Variants in L3HYPDH observed in about 807,000 individuals in gnomAD.
L3HYPDH encodes the protein trans-3-hydroxy-L-proline dehydratase.
L3HYPDH carries 32 observed loss-of-function variants against 26.5 expected under a neutral mutation model. The observed-to-expected ratio is 1.21, with a 90% CI of 0.91 to 1.62. The LOEUF is 1.62. Among genes scored for constraint, L3HYPDH ranks in the 40% most tolerant of loss-of-function variants. L3HYPDH has a pLI of 0.00. For missense variants in L3HYPDH, 554 were observed against 476.4 expected, an observed-to-expected ratio of 1.16 and a Z score of -1.52; for synonymous variants, 215 against 196.6, an observed-to-expected ratio of 1.09 and a Z score of -0.78.
chr14:59,480,956 G>T (rs1253100), intron 1 of L3HYPDH, among the ~76,000 whole-genome samples: 82,723 of 152,026 alleles, frequency 0.54, 24,966 homozygotes, highest in African/African-American at 0.81. Flanking sequence ...GGGTTCAGTC[G>T]GCCTGCCCTC....
chr14:59,498,248 GTAT>G, the L3HYPDH span, among the ~76,000 whole-genome samples: 1 of 152,156 alleles, frequency 6.6e-6, no homozygotes, highest in Non-Finnish European at 1.5e-5. Context: ...GGCACTTAAT[GTAT>G]TAGGCACAGT....
intron 1 of L3HYPDH, among the ~76,000 whole-genome samples, chr14:59,481,729 T>TA (rs35933202): frequency 0.083 from 12,594 of 152,272 alleles, 689 homozygotes; most frequent in African/African-American, 0.16. Context: ...CACTAAGCAC[T>TA]ATTCTAGAAA....
At chr14:59,505,021 C>G in the L3HYPDH span, 1 of 347,684 alleles carries the variant, frequency 2.9e-6, no homozygotes, top group Non-Finnish European at 5.2e-6. Flanking sequence ...ACCATGGAAG[C>G]AAAATGAAAT....
At chr14:59,484,645 T>C (rs1399068071), upstream of L3HYPDH, 19 of 1,563,904 alleles carry the variant, frequency 1.2e-5, no homozygotes, top group Admixed American at 3.6e-4. Context: ...CCGACTACTT[T>C]CCTACACGGC....
At chr14:59,501,223 T>C in the L3HYPDH span, 2 of 1,605,886 alleles carry the variant, frequency 1.2e-6, no homozygotes, top group Non-Finnish European at 1.7e-6. Context: ...ATTAGTGTTA[T>C]CTTTGGTTAC....
chr14:59,483,214 C>G (rs1890174441), intron 1 of L3HYPDH, among the ~76,000 whole-genome samples: 1 of 152,194 alleles, frequency 6.6e-6, no homozygotes, highest in African/African-American at 2.4e-5. Flanking sequence ...AGTAATTTGC[C>G]TAAGGTTGCA....
the L3HYPDH span, among the ~76,000 whole-genome samples, chr14:59,499,853 C>G: frequency 1.3e-5 from 2 of 152,150 alleles, no homozygotes; most frequent in African/African-American, 4.8e-5. Context: ...ATCTATAGTT[C>G]CCTCTAGCTC....
chr14:59,492,316 G>A, the L3HYPDH span, among the ~76,000 whole-genome samples: 21,197 of 152,184 alleles, frequency 0.14, 1,705 homozygotes, highest in South Asian at 0.26. Flanking sequence ...AGAAAAAAAT[G>A]CATAGAAATA....
chr14:59,478,142 A>G (rs1889766863), intron 2 of L3HYPDH, among the ~76,000 whole-genome samples: 1 of 152,200 alleles, frequency 6.6e-6, no homozygotes, highest in South Asian at 2.1e-4. Context: ...TGTACACTAT[A>G]TTTTACATTT....
the L3HYPDH span, among the ~76,000 whole-genome samples, chr14:59,498,371 T>A: frequency 1.3e-5 from 2 of 152,236 alleles, no homozygotes; most frequent in Non-Finnish European, 2.9e-5. Flanking sequence ...ATTTATTTTC[T>A]TCTGGGCTTT....
chr14:59,468,237 T>C (rs1470507105), downstream of L3HYPDH, among the ~76,000 whole-genome samples: 1 of 152,196 alleles, frequency 6.6e-6, no homozygotes, highest in African/African-American at 2.4e-5. Flanking sequence ...AAAAAAATCC[T>C]ATTGGCTTTC....
At chr14:59,484,881 G>A (rs1890407331), upstream of L3HYPDH, 1 of 1,294,268 alleles carries the variant, frequency 7.7e-7, no homozygotes, top group Non-Finnish European at 1.0e-6. Context: ...GGGAACACTT[G>A]CTTGAGGGTT....
intron 4 of L3HYPDH, chr14:59,474,529 A>G: frequency 2.9e-6 from 2 of 700,036 alleles, no homozygotes; most frequent in Non-Finnish European, 5.2e-6. Flanking sequence ...AACAGCTCCT[A>G]TAATATAAAG....
downstream of L3HYPDH, among the ~76,000 whole-genome samples, chr14:59,471,844 T>C (rs1195049910): frequency 6.6e-6 from 1 of 152,206 alleles, no homozygotes; most frequent in African/African-American, 2.4e-5. Flanking sequence ...GATGTCATTT[T>C]TTTTGAGATA....
upstream of L3HYPDH, chr14:59,484,921 T>G: frequency 6.9e-7 from 1 of 1,455,826 alleles, no homozygotes; most frequent in Non-Finnish European, 9.0e-7. Context: ...CGGGTGATAG[T>G]GCAGAAAAAA....
At chr14:59,492,489 C>T in the L3HYPDH span, among the ~76,000 whole-genome samples, 6 of 152,166 alleles carry the variant, frequency 3.9e-5, no homozygotes, top group African/African-American at 1.4e-4. Context: ...CTGCAAGTGA[C>T]ATGCCAATTA....
the L3HYPDH span, among the ~76,000 whole-genome samples, chr14:59,490,185 G>A: frequency 4.6e-5 from 7 of 152,132 alleles, no homozygotes; most frequent in African/African-American, 1.7e-4. Context: ...GCCTCCCAAA[G>A]TGCTGGGATT....
the L3HYPDH span, among the ~76,000 whole-genome samples, chr14:59,500,660 AAC>A: frequency 6.6e-6 from 1 of 152,200 alleles, no homozygotes; most frequent in Non-Finnish European, 1.5e-5. Flanking sequence ...TTGACCACAA[AAC>A]ACAGAAAATT....
chr14:59,495,109 C>G, the L3HYPDH span: 1 of 1,613,302 alleles, frequency 6.2e-7, no homozygotes, highest in Non-Finnish European at 8.5e-7. Context: ...AGTTGGTGTT[C>G]TTTATATTCG....
Sources: allele counts gnomAD v4.1 joint callset (sites outside exome capture counted in the v4.1 genomes callset), GRCh38; gene constraint gnomAD v4.1.1; transcripts MANE v1.5; gene names NCBI Gene and HGNC (gene_info 2026-07-23, HGNC 2026-07-21).